The following LRRC4B variants were observed in gnomAD, a reference collection of about 807,000 sequenced individuals.
LRRC4B encodes the protein leucine-rich repeat-containing protein 4B.
A neutral mutation model predicts 7.3 loss-of-function variants in LRRC4B; 1 was observed. The observed-to-expected ratio is 0.14, with a 90% CI of 0.05 to 0.65. The LOEUF (loss-of-function observed/expected upper bound fraction) is 0.65. Among genes scored for constraint, LRRC4B ranks in the 30% least tolerant of loss-of-function variants. The pLI is 0.84. For synonymous variants in LRRC4B, 500 were observed against 499.2 expected, an observed-to-expected ratio of 1.00 and a Z score of -0.02; for missense variants, 730 against 1,041.6, an observed-to-expected ratio of 0.70 and a Z score of 4.12.
At position 50,517,701 on chromosome 19, in the gene LRRC4B, T is replaced by C. The variant is rs375848882; in HGVS notation, c.2012A>G (p.Lys671Arg). The C allele has an allele frequency of 1.9e-6, 3 of 1,552,570 alleles. No homozygotes were observed. The highest frequency in any genetic ancestry group is 2.8e-5 in the African/African-American group (2 of 70,788). The change falls in exon 3 of 3, where the codon AAG (lysine) becomes AGG (arginine). Residue 671 changes from lysine to arginine, a missense_variant. Lys to Arg is a conservative substitution (Grantham distance 26). This residue lies in a region of LRRC4B where 160 missense variants were observed against 163.9 expected (regional missense o/e 0.98). Coordinates refer to ENST00000652263, the MANE Select transcript of LRRC4B (RefSeq NM_001080457.2). The surrounding 1 kb of genome is among the most constrained non-coding windows in gnomAD (Gnocchi z 6.6). ...GCTGGGGTTGCTGCTGTAGTGCGCC[T>C]TGAAGGCGGCAGCCACGTAGTGGTG... is the stretch of plus-strand genomic sequence containing the variant. Reference protein sequence around the residue: ...NHHHYVAAAFKAHYSSNPSGG... With the variant: ...NHHHYVAAAFRAHYSSNPSGG...
rs143123202 is a variant in LRRC4B at position 50,543,335 on chromosome 19, G to GGTGTGTGTGTGTGTGTGTGTGTGTGTGT, written c.297+5179_297+5206dup. Among the ~76,000 whole-genome samples the GGTGTGTGTGTGTGTGTGTGTGTGTGTGT allele has an allele frequency of 9.6e-4, 140 of 145,262 alleles. 1 individual carries two copies. Among genetic ancestry groups the GGTGTGTGTGTGTGTGTGTGTGTGTGTGT allele is most frequent in the African/African-American group, 3.4e-3 (132 of 38,782 alleles). ...TACCAATGCTCCAGTGCCAGGCCCTGGTGTGTGTGTGTGTGTGTGTGTGTG... is the reference window on the plus strand; with the variant it reads ...TACCAATGCTCCAGTGCCAGGCCCTGGTGTGTGTGTGTGTGTGTGTGTGTGTGTGTGTGTGTGTGTGTGTGTGTGTGTG... On this transcript the variant is annotated intron_variant, in intron 2 of 2. Transcript: ENST00000652263.
Position 50,555,721 on chromosome 19 carries a change from G to A in LRRC4B, c.-35-6848C>T, listed in dbSNP as rs1297546981. ...AACTCGGGGACCCAGGAGAGGCGGG[G>A]TGAGGAGAAATGGGAGGCAGGGAAC... On this transcript the variant is annotated intron_variant, in intron 1 of 2. Coordinates refer to ENST00000652263, the MANE Select transcript of LRRC4B (RefSeq NM_001080457.2). The surrounding 1 kb of genome is among the most constrained non-coding windows in gnomAD (Gnocchi z 5.2). The A allele has an allele frequency of 1.3e-5, 2 of 152,398 alleles. No individual in the cohort carries two copies. The highest frequency in any genetic ancestry group is 1.9e-4 in the East Asian group (1 of 5,196). 9.4% of individuals were successfully genotyped at this position (152,398 alleles called of 1,614,324 possible).
intron 1 of LRRC4B, among the ~76,000 whole-genome samples, chr19:50,567,740 C>T (rs1191025226): frequency 1.4e-5 from 2 of 145,972 alleles, no homozygotes; most frequent in African/African-American, 5.1e-5. Context: ...CAGAACTCGC[C>T]CTGCCCGGAG....
intron 2 of LRRC4B, among the ~76,000 whole-genome samples, chr19:50,523,280 G>A (rs1401674658): frequency 6.6e-6 from 1 of 151,338 alleles, no homozygotes; most frequent in African/African-American, 2.5e-5. Flanking sequence ...GGGGGAATGC[G>A]GTGTTACAGT....
chr19:50,517,819 C>T lies in LRRC4B; in HGVS notation c.1894G>A (p.Val632Met), dbSNP rs753640962. 20 of 1,562,864 alleles carry T rather than the reference C, an allele frequency of 1.3e-5. No individual in the cohort carries two copies. In the Admixed American group the frequency reaches 4.0e-4, roughly 31 times the overall value. ...CTGGCCACGGCGGCCGCGGCGGCCA[C>T]GGACACGGCCGAGGCGGCGGGCAGC... ...DELPAASAVS[V>M]AAAAAVASGG... The change falls in exon 3 of 3, where the codon GTG becomes ATG. Residue 632 changes from valine (V) to methionine (M), a missense_variant. Coordinates refer to ENST00000652263, the MANE Select transcript of LRRC4B (RefSeq NM_001080457.2). This position sits in a 1 kb window ranked among gnomAD's most constrained non-coding sequence, Gnocchi z 6.6.
At chr19:50,542,411 G>T (rs900057712) in intron 2 of LRRC4B, among the ~76,000 whole-genome samples, 1 of 152,150 alleles carries the variant, frequency 6.6e-6, no homozygotes, top group Non-Finnish European at 1.5e-5. Flanking sequence ...AGGCTTGCAG[G>T]CCCCACCAAT....
Position 50,556,262 on chromosome 19 carries a change from G to C in LRRC4B, c.-35-7389C>G, listed in dbSNP as rs963842163. 3.9e-5 allele frequency among the ~76,000 whole-genome samples: 6 copies of C among 151,902 alleles called. No homozygotes were observed. The highest frequency in any genetic ancestry group is 5.9e-5 in the Non-Finnish European group (4 of 67,950). On this transcript the variant is annotated intron_variant, in intron 1 of 2. Transcript: ENST00000652263. The surrounding 1 kb of genome is among the most constrained non-coding windows in gnomAD (Gnocchi z 4.2). ...GGCCCGTGCAGTGGGGGTGCAGTCG[G>C]GGTGGGGGTGAGGTGCAGTGGGTGG...
Position 50,518,776 on chromosome 19 carries a change from AG to A in LRRC4B, c.936del (p.Trp313GlyfsTer10). On this transcript the variant is annotated frameshift_variant, in exon 3 of 3. Coordinates refer to ENST00000652263, the MANE Select transcript of LRRC4B (RefSeq NM_001080457.2). LOFTEE classifies it low-confidence loss of function (END_TRUNC). ...CAGAGCACGTCGCAGTTGCAATGCC[AG>A]GGGTTGTGGTTGAGGTGCACGCGCT... ...RLERVHLNHNPWHCNCDVLWL... is the reference protein window; with the variant it reads ...RLERVHLNHNXWHCNCDVLWL... 1 of 1,614,002 alleles carries A rather than the reference AG, an allele frequency of 6.2e-7. No individual in the cohort carries two copies. Among genetic ancestry groups the A allele is most frequent in the East Asian group, 2.2e-5 (1 of 44,852 alleles).
Position 50,518,029 on chromosome 19 carries a change from C to T in LRRC4B, c.1684G>A (p.Glu562Lys). Residue 562 changes from glutamate (E) to lysine (K), a missense_variant, in exon 3 of 3, where the codon GAG becomes AAG. Coordinates refer to ENST00000652263, the MANE Select transcript of LRRC4B (RefSeq NM_001080457.2). ...TCGTCCAGGTCCTTGAGGGCGTTCT[C>T]CGTCACATCCGTGATGGGCACCGTG... ...AFTVPITDVTENALKDLDDVM... is the reference protein window; with the variant it reads ...AFTVPITDVTKNALKDLDDVM... 1 of 1,555,290 alleles carries T rather than the reference C, an allele frequency of 6.4e-7. No homozygotes were observed.
chr19:50,561,044 T>C (rs1982445472), intron 1 of LRRC4B, among the ~76,000 whole-genome samples: 1 of 152,036 alleles, frequency 6.6e-6, no homozygotes, highest in Admixed American at 6.6e-5. Context: ...TGAGCGAAGA[T>C]AGCACCACTG....
intron 2 of LRRC4B, among the ~76,000 whole-genome samples, chr19:50,539,826 G>A (rs1981463378): frequency 1.3e-5 from 2 of 151,004 alleles, no homozygotes; most frequent in South Asian, 2.1e-4. Flanking sequence ...GGTGGAAGTT[G>A]CAGTGAACCG....
At chr19:50,523,182 C>T (rs2122780669) in intron 2 of LRRC4B, among the ~76,000 whole-genome samples, 1 of 152,320 alleles carries the variant, frequency 6.6e-6, no homozygotes, top group Non-Finnish European at 1.5e-5. Context: ...ACGCCGGGTG[C>T]ACTGAGGCCC....
chr19:50,540,323 T>G (rs1981483854), intron 2 of LRRC4B, among the ~76,000 whole-genome samples: 1 of 152,144 alleles, frequency 6.6e-6, no homozygotes, highest in South Asian at 2.1e-4. Context: ...CTGCCTCCTA[T>G]CAGATCACTG....
chr19:50,545,333 A>G (rs1981752177), intron 2 of LRRC4B, among the ~76,000 whole-genome samples: 1 of 146,824 alleles, frequency 6.8e-6, no homozygotes, highest in South Asian at 2.2e-4. Context: ...ACTTGAACCC[A>G]GGAGGTGGAG....
In LRRC4B at chr19:50,518,651, C is replaced by T; in HGVS notation, c.1062G>A (p.Leu354=). The T allele has an allele frequency of 6.2e-7, 1 of 1,613,136 alleles. No homozygotes were observed. Among genetic ancestry groups the T allele is most frequent in the African/African-American group, 1.3e-5 (1 of 75,058 alleles). ...AGLKGRYIGE[L]DQSHFTCYAP... is the part of the protein sequence containing the mutation. ...CATAGCAGGTGAAATGCGACTGGTC[C>T]AGCTCCCCAATGTAGCGCCCCTTGA... The change falls in exon 3 of 3, where the codon CTG becomes CTA. Residue 354 remains leucine, a synonymous_variant. Transcript: ENST00000652263.
At chr19:50,542,296 GGA>G (rs1981584672) in intron 2 of LRRC4B, among the ~76,000 whole-genome samples, 1 of 152,008 alleles carries the variant, frequency 6.6e-6, no homozygotes, top group African/African-American at 2.4e-5. Flanking sequence ...CCGAGGAGAT[GGA>G]GGCGAAGATC....
At chr19:50,523,105 C>T (rs918831829) in intron 2 of LRRC4B, among the ~76,000 whole-genome samples, 1 of 152,142 alleles carries the variant, frequency 6.6e-6, no homozygotes, top group Non-Finnish European at 1.5e-5. Flanking sequence ...CTGGGGTCCA[C>T]GGGAGGGGCA....
intron 2 of LRRC4B, among the ~76,000 whole-genome samples, chr19:50,534,526 C>T (rs1329582252): frequency 1.3e-5 from 2 of 152,190 alleles, no homozygotes; most frequent in Non-Finnish European, 2.9e-5. Context: ...TTCCAAGTTC[C>T]CTGGATCTTC....
intron 2 of LRRC4B, among the ~76,000 whole-genome samples, chr19:50,538,573 T>C (rs1214434409): frequency 8.2e-6 from 1 of 122,576 alleles, no homozygotes; most frequent in Admixed American, 7.5e-5. Context: ...TTTTTTTTTT[T>C]TTTTTTTTTT....
Sources: allele counts gnomAD v4.1 joint callset (sites outside exome capture counted in the v4.1 genomes callset), GRCh38; gene constraint gnomAD v4.1.1; regional missense constraint gnomAD v4.1.1; non-coding constraint Gnocchi (gnomAD v3.1); transcripts MANE v1.5; gene names NCBI Gene and HGNC (gene_info 2026-07-23, HGNC 2026-07-21).